NOL4: variants seen among roughly 807,000 people sequenced by gnomAD.
NOL4 encodes cancer/testis antigen 125.
Under a neutral mutation model 75.9 loss-of-function variants are expected in NOL4, and 17 were observed. The observed-to-expected ratio is 0.22, with a 90% CI of 0.15 to 0.34. NOL4 has a LOEUF of 0.34. NOL4 is among the 10% of genes least tolerant of loss of function. The pLI, the probability that NOL4 is intolerant of heterozygous loss-of-function variation, is 1.00. For synonymous variants in NOL4, 292 were observed against 289.9 expected (o/e 1.01, Z -0.07); for missense variants, 614 against 793.5 (o/e 0.77, Z 2.72).
intron 6 of NOL4, among the ~76,000 whole-genome samples, chr18:34,004,084 C>CT (rs765911593): frequency 6.6e-6 from 1 of 152,070 alleles, no homozygotes; most frequent in Admixed American, 6.6e-5. Context: ...TCAGACACTA[C>CT]TTTTTATTGA....
At chr18:33,990,298 C>T (rs940348392) in intron 6 of NOL4, among the ~76,000 whole-genome samples, 1 of 152,016 alleles carries the variant, frequency 6.6e-6, no homozygotes, top group Non-Finnish European at 1.5e-5. Context: ...TTCACTCATT[C>T]TCTGAAACAT....
chr18:34,180,237 CA>C (rs1779449764), intron 1 of NOL4, among the ~76,000 whole-genome samples: 1 of 151,354 alleles, frequency 6.6e-6, no homozygotes, highest in Non-Finnish European at 1.5e-5. Context: ...CAAACATCTT[CA>C]AAAAATATTA....
At chr18:34,042,716 T>A (rs755669313) in intron 5 of NOL4, among the ~76,000 whole-genome samples, 2 of 152,088 alleles carry the variant, frequency 1.3e-5, no homozygotes, top group African/African-American at 4.8e-5. Context: ...AACAATTCCA[T>A]GAACTAGTTA....
chr18:33,869,362 T>A (rs1164973607), intron 10 of NOL4, among the ~76,000 whole-genome samples: 1 of 152,152 alleles, frequency 6.6e-6, no homozygotes, highest in East Asian at 1.9e-4. Context: ...TGTAAGTGTT[T>A]TATAGACAAG....
chr18:33,860,932 A>T (rs2063093372), intron 10 of NOL4, among the ~76,000 whole-genome samples: 1 of 152,228 alleles, frequency 6.6e-6, no homozygotes, highest in South Asian at 2.1e-4. Context: ...ATGCTGGATT[A>T]CATTTATTGA....
intron 9 of NOL4, among the ~76,000 whole-genome samples, chr18:33,890,876 G>C (rs558171164): frequency 6.6e-6 from 1 of 152,002 alleles, no homozygotes; most frequent in East Asian, 1.9e-4. Context: ...AGAAATATAG[G>C]TATCATTAGG....
At chr18:33,955,098 G>GAA (rs1322729962) in intron 8 of NOL4, among the ~76,000 whole-genome samples, 3 of 152,036 alleles carry the variant, frequency 2.0e-5, no homozygotes, top group Non-Finnish European at 2.9e-5. Flanking sequence ...GTGACAAAGA[G>GAA]AAACACATAG....
chr18:33,889,897 AAG>A (rs1461709760), intron 9 of NOL4, among the ~76,000 whole-genome samples: 2 of 152,154 alleles, frequency 1.3e-5, no homozygotes, highest in African/African-American at 2.4e-5. Flanking sequence ...TCAAAATAAT[AAG>A]AGATATTTAT....
chr18:33,982,609 T>G (rs886339300), intron 6 of NOL4, among the ~76,000 whole-genome samples: 2 of 152,154 alleles, frequency 1.3e-5, no homozygotes, highest in South Asian at 4.1e-4. Context: ...TCTGTTATTA[T>G]AGTTTGAGAC....
intron 1 of NOL4, among the ~76,000 whole-genome samples, chr18:34,165,728 A>G (rs1397677959): frequency 6.6e-6 from 1 of 152,152 alleles, no homozygotes; most frequent in African/African-American, 2.4e-5. Flanking sequence ...TACCCCAAAT[A>G]CGTAATTTTT....
chr18:34,085,160 A>G (rs536885852), intron 5 of NOL4, among the ~76,000 whole-genome samples: 66 of 152,244 alleles, frequency 4.3e-4, no homozygotes, highest in Non-Finnish European at 1.5e-4. Flanking sequence ...AAATTCAGAA[A>G]GGATATGTAT....
chr18:34,073,863 T>C (rs1317662121), intron 5 of NOL4, among the ~76,000 whole-genome samples: 2 of 152,014 alleles, frequency 1.3e-5, no homozygotes, highest in Non-Finnish European at 2.9e-5. Flanking sequence ...TAGTCATCTA[T>C]GGACAACACT....
At chr18:34,216,294 C>T (rs868530650) in intron 1 of NOL4, among the ~76,000 whole-genome samples, 3 of 152,262 alleles carry the variant, frequency 2.0e-5, no homozygotes, top group African/African-American at 7.2e-5. Context: ...TTACAGAGCA[C>T]ACACAATATC....
At position 34,009,761 on chromosome 18, in the gene NOL4, C is replaced by A. The variant is rs910083917; in HGVS notation, c.1056+9557G>T. Among the ~76,000 whole-genome samples the A allele has an allele frequency of 2.0e-5, 3 of 151,804 alleles. No homozygotes were observed. The East Asian group carries it at 5.8e-4, about 29-fold the overall frequency. ...TCATTCTCAAGGCCTACACCATGAT[C>A]GTTTAACATTATAGTGGTTAAAAGG... On this transcript the variant is annotated intron_variant, in intron 6 of 10. Transcript: ENST00000261592.
intron 5 of NOL4, among the ~76,000 whole-genome samples, chr18:34,079,692 G>A (rs1425825424): frequency 6.6e-6 from 1 of 151,890 alleles, no homozygotes; most frequent in Non-Finnish European, 1.5e-5. Flanking sequence ...ATGATTGAAC[G>A]ATTAACTTCT....
chr18:33,864,209 C>T (rs1435006983), intron 10 of NOL4, among the ~76,000 whole-genome samples: 1 of 152,170 alleles, frequency 6.6e-6, no homozygotes, highest in Non-Finnish European at 1.5e-5. Flanking sequence ...ACATTTTCCC[C>T]TTTGTCTTGG....
chr18:34,011,281 T>C (rs1371676708), intron 6 of NOL4, among the ~76,000 whole-genome samples: 1 of 151,750 alleles, frequency 6.6e-6, no homozygotes, highest in Non-Finnish European at 1.5e-5. Flanking sequence ...ATAAGAAGGC[T>C]ACAGATAATT....
intron 5 of NOL4, among the ~76,000 whole-genome samples, chr18:34,031,560 C>T (rs900592781): frequency 1.3e-5 from 2 of 152,112 alleles, no homozygotes; most frequent in Non-Finnish European, 2.9e-5. Context: ...AAGATGGTTG[C>T]CTAGAGGCAT....
Position 33,904,738 on chromosome 18 carries a change from T to C in NOL4, c.1543-21314A>G, listed in dbSNP as rs1465788005. On this transcript the variant is annotated intron_variant, in intron 9 of 10. Transcript: ENST00000261592. Reference sequence around the variant, plus strand: ...TGTATGTTTAGCCAACCTGATATCATATCCCCATAGGAGTCCCAGTACAAT... The same window carrying C: ...TGTATGTTTAGCCAACCTGATATCACATCCCCATAGGAGTCCCAGTACAAT... Among the ~76,000 whole-genome samples the C allele has an allele frequency of 2.0e-5, 3 of 152,124 alleles. No individual in the cohort carries two copies. In the East Asian group the frequency reaches 5.8e-4, roughly 29 times the overall value.
Sources: allele counts gnomAD v4.1 joint callset (sites outside exome capture counted in the v4.1 genomes callset), GRCh38; gene constraint gnomAD v4.1.1; transcripts MANE v1.5; gene names NCBI Gene and HGNC (gene_info 2026-07-23, HGNC 2026-07-21).